Variants in ANTXR1 observed in about 807,000 individuals in gnomAD.
ANTXR1 encodes the protein anthrax toxin receptor 1.
In ANTXR1, 19 loss-of-function variants were observed where a neutral mutation model predicts 78.1. The observed-to-expected ratio is 0.24, with a 90% CI of 0.17 to 0.36. The LOEUF (loss-of-function observed/expected upper bound fraction) is 0.36. ANTXR1 is among the 10% of genes least tolerant of loss of function. The pLI is 1.00. For missense variants in ANTXR1, 518 were observed against 718.6 expected (o/e 0.72, Z 3.19); for synonymous variants, 273 against 260.5 (o/e 1.05, Z -0.46).
At chr2:69,217,750 T>C (rs199840164) in intron 17 of ANTXR1, among the ~76,000 whole-genome samples, 1 of 152,054 alleles carries the variant, frequency 6.6e-6, no homozygotes, top group Non-Finnish European at 1.5e-5. Flanking sequence ...GGAGGGCCTG[T>C]GTGTGAGGGG....
At chr2:69,186,732 GCAAA>G (rs1674425918) in intron 16 of ANTXR1, among the ~76,000 whole-genome samples, 1 of 152,202 alleles carries the variant, frequency 6.6e-6, no homozygotes, top group African/African-American at 2.4e-5. Context: ...TATATGATCT[GCAAA>G]CAAAGAATGG....
At chr2:69,182,756 A>G in intron 16 of ANTXR1, 96 bp downstream of exon 16, 2 of 1,507,766 alleles carry the variant, frequency 1.3e-6, no homozygotes, top group Non-Finnish European at 1.8e-6. Flanking sequence ...ATCCCAACCT[A>G]AAACCCAGCT....
At chr2:69,173,855 T>C (rs775777572) in intron 14 of ANTXR1, among the ~76,000 whole-genome samples, 21 of 152,222 alleles carry the variant, frequency 1.4e-4, no homozygotes, top group Non-Finnish European at 2.4e-4. Flanking sequence ...AAAGAGAAGA[T>C]GCTTCCTTTC....
Position 69,102,972 on chromosome 2 carries a change from G to T in ANTXR1, c.802+32G>T, listed in dbSNP as rs1409959493. On this transcript the variant is annotated intron_variant, in intron 10 of 17. Coordinates refer to ENST00000303714, the MANE Select transcript of ANTXR1 (RefSeq NM_032208.3). ...CCTTGCAGAGTCCATGGGTTTCTTC[G>T]ACAAGTGGCTTCAAGGAAGGGAATT... The T allele has an allele frequency of 2.5e-6, 4 of 1,598,974 alleles. No homozygotes were observed. In the African/African-American group the frequency reaches 5.4e-5, roughly 21 times the overall value.
intron 3 of ANTXR1, among the ~76,000 whole-genome samples, chr2:69,054,449 C>T (rs370053545): frequency 6.6e-6 from 1 of 152,116 alleles, no homozygotes; most frequent in Non-Finnish European, 1.5e-5. Flanking sequence ...TTTTGGAAAC[C>T]GGAACTTGGA....
At chr2:69,187,020 A>G (rs941779065) in intron 16 of ANTXR1, among the ~76,000 whole-genome samples, 3 of 152,230 alleles carry the variant, frequency 2.0e-5, no homozygotes, top group Admixed American at 2.0e-4. Context: ...GGAAAGACTC[A>G]TGGCTCCCCA....
intron 12 of ANTXR1, among the ~76,000 whole-genome samples, chr2:69,128,506 C>T (rs1672621838): frequency 1.3e-5 from 2 of 152,042 alleles, no homozygotes; most frequent in Admixed American, 1.3e-4. Flanking sequence ...TCTGAGACAA[C>T]ATGTATCCGG....
At chr2:69,071,721 A>T in intron 4 of ANTXR1, 33 bp from the exon 5 acceptor site, 2 of 1,612,882 alleles carry the variant, frequency 1.2e-6, no homozygotes, top group Non-Finnish European at 1.7e-6. Flanking sequence ...AACAGTGGTT[A>T]TAAGTCTAAG....
At chr2:69,026,969 G>T (rs1329224034) in intron 1 of ANTXR1, among the ~76,000 whole-genome samples, 1 of 152,190 alleles carries the variant, frequency 6.6e-6, no homozygotes, top group Non-Finnish European at 1.5e-5. Flanking sequence ...AAAGCAGACG[G>T]ACTGAGTATG....
At chr2:69,079,221 A>G (rs1369545108) in intron 8 of ANTXR1, among the ~76,000 whole-genome samples, 1 of 152,324 alleles carries the variant, frequency 6.6e-6, no homozygotes, top group African/African-American at 2.4e-5. Context: ...CTCCTACTCT[A>G]AATTATTTCT....
intron 4 of ANTXR1, among the ~76,000 whole-genome samples, chr2:69,071,401 T>C (rs1670560873): frequency 6.6e-6 from 1 of 152,250 alleles, no homozygotes; most frequent in Non-Finnish European, 1.5e-5. Context: ...TAATGATATT[T>C]GTTTCTAAAC....
intron 8 of ANTXR1, among the ~76,000 whole-genome samples, chr2:69,080,718 T>C (rs1190320455): frequency 6.6e-6 from 1 of 152,074 alleles, no homozygotes; most frequent in East Asian, 1.9e-4. Flanking sequence ...AGAAATAACA[T>C]GGCCATGAGA....
At chr2:69,164,599 A>C (rs758096958) in intron 13 of ANTXR1, among the ~76,000 whole-genome samples, 10 of 152,222 alleles carry the variant, frequency 6.6e-5, no homozygotes, top group Non-Finnish European at 1.2e-4. Flanking sequence ...TTTGTTGCTA[A>C]CAGTGCAGAC....
chr2:69,045,392 A>G (rs968989094), intron 3 of ANTXR1, among the ~76,000 whole-genome samples: 1 of 152,204 alleles, frequency 6.6e-6, no homozygotes. Flanking sequence ...GCAGATGAAA[A>G]CTAGCAATAA....
At chr2:69,098,021 A>C (rs1389077812) in intron 9 of ANTXR1, among the ~76,000 whole-genome samples, 1 of 152,254 alleles carries the variant, frequency 6.6e-6, no homozygotes, top group East Asian at 1.9e-4. Flanking sequence ...TATTTACATA[A>C]AATTCCAGAA....
chr2:69,042,604 A>G (rs1669644073), intron 2 of ANTXR1, among the ~76,000 whole-genome samples: 1 of 152,204 alleles, frequency 6.6e-6, no homozygotes, highest in Non-Finnish European at 1.5e-5. Flanking sequence ...ATGACAGTGA[A>G]ACTCTTGATC....
intron 17 of ANTXR1, among the ~76,000 whole-genome samples, chr2:69,228,591 G>A (rs1161419802): frequency 1.3e-5 from 2 of 152,190 alleles, no homozygotes; most frequent in African/African-American, 4.8e-5. Flanking sequence ...AACCAATGGT[G>A]CTTTTAGGAG....
chr2:69,235,909 G>A (rs924392306), intron 17 of ANTXR1, among the ~76,000 whole-genome samples: 1 of 152,114 alleles, frequency 6.6e-6, no homozygotes, highest in Non-Finnish European at 1.5e-5. Flanking sequence ...GGCTGGGGAG[G>A]CCTCAGGAAA....
intron 12 of ANTXR1, among the ~76,000 whole-genome samples, chr2:69,134,520 A>G (rs1249623681): frequency 6.6e-6 from 1 of 152,210 alleles, no homozygotes; most frequent in African/African-American, 2.4e-5. Context: ...GAATAATGTA[A>G]TCACCATTCA....
Sources: allele counts gnomAD v4.1 joint callset (sites outside exome capture counted in the v4.1 genomes callset), GRCh38; gene constraint gnomAD v4.1.1; transcripts MANE v1.5; gene names NCBI Gene and HGNC (gene_info 2026-07-23, HGNC 2026-07-21).